Variants in SCAP observed in about 807,000 individuals in gnomAD.
SCAP encodes SREBF chaperone.
Under a neutral mutation model 123.6 loss-of-function variants are expected in SCAP, and 65 were observed. That is an observed-to-expected ratio of 0.53 (90% CI 0.43 to 0.65). The LOEUF is 0.65. Among genes scored for constraint, SCAP ranks in the 30% least tolerant of loss-of-function variants. The pLI, the probability that SCAP is intolerant of heterozygous loss-of-function variation, is 0.00. For missense variants in SCAP, 1,398 were observed against 1,712.5 expected, an observed-to-expected ratio of 0.82 and a Z score of 3.24; for synonymous variants, 740 against 726.3, an observed-to-expected ratio of 1.02 and a Z score of -0.30.
At chr3:47,424,524 T>G (rs1706038874) in intron 8 of SCAP, among the ~76,000 whole-genome samples, 1 of 152,122 alleles carries the variant, frequency 6.6e-6, no homozygotes, top group South Asian at 2.1e-4. Flanking sequence ...GAACGACTGT[T>G]CCTACACAAA....
intron 1 of SCAP, among the ~76,000 whole-genome samples, chr3:47,455,519 T>C (rs891343665): frequency 7.2e-6 from 1 of 137,992 alleles, no homozygotes; most frequent in Non-Finnish European, 1.5e-5. Context: ...CACTTGAACC[T>C]GGGAGGTGGA....
At chr3:47,435,465 A>AACACACAC (rs749684765) in intron 2 of SCAP, among the ~76,000 whole-genome samples, 24 of 121,526 alleles carry the variant, frequency 2.0e-4, no homozygotes, top group East Asian at 4.9e-4. Flanking sequence ...ATATAATATA[A>AACACACAC]ACATACACAC....
At chr3:47,454,090 G>T (rs763518187) in intron 1 of SCAP, among the ~76,000 whole-genome samples, 1 of 152,136 alleles carries the variant, frequency 6.6e-6, no homozygotes, top group Non-Finnish European at 1.5e-5. Context: ...TAGACAGGCC[G>T]GGTGCGGTGG....
chr3:47,415,115 C>T lies in SCAP; in HGVS notation c.3122G>A (p.Ser1041Asn). 1.2e-6 allele frequency: 2 copies of T among 1,611,512 alleles called. No individual in the cohort carries two copies. Among genetic ancestry groups the T allele is most frequent in the African/African-American group, 1.3e-5 (1 of 74,980 alleles). ...FFSLETHTALSPLQFRGTPGR... is the reference protein window; with the variant it reads ...FFSLETHTALNPLQFRGTPGR... ...CCTCCGACCTCTAAACTGCAGGGGG[C>T]TGAGGGCAGTGTGGGTCTCCAAGGA... Residue 1041 changes from serine to asparagine, a missense_variant, in exon 19 of 23, where the codon AGC (serine) becomes AAC (asparagine). Physicochemically the swap from Ser to Asn is conservative, Grantham distance 46. This residue lies in a region of SCAP where 828 missense variants were observed against 882.5 expected (regional missense o/e 0.94). Coordinates refer to ENST00000265565, the MANE Select transcript of SCAP (RefSeq NM_012235.4).
intron 2 of SCAP, among the ~76,000 whole-genome samples, chr3:47,441,075 C>G (rs995616863): frequency 4.6e-5 from 7 of 151,844 alleles, no homozygotes; most frequent in Admixed American, 2.0e-4. Flanking sequence ...CTAATTTTTG[C>G]ATTTTTAGTA....
At chr3:47,461,016 C>A (rs1707619537) in intron 1 of SCAP, among the ~76,000 whole-genome samples, 1 of 152,146 alleles carries the variant, frequency 6.6e-6, no homozygotes, top group Admixed American at 6.6e-5. Flanking sequence ...AGAGCTCTCT[C>A]CAGCACACCA....
At chr3:47,470,013 C>T (rs1559573790) in intron 1 of SCAP, 4 of 325,944 alleles carry the variant, frequency 1.2e-5, no homozygotes, top group East Asian at 8.0e-5. Context: ...AACAAAATAT[C>T]GTTTGGCATT....
chr3:47,455,594 C>CAAAAAA (rs544006040), intron 1 of SCAP, among the ~76,000 whole-genome samples: 1 of 42,370 alleles, frequency 2.4e-5, no homozygotes, highest in Non-Finnish European at 5.0e-5. Context: ...GACTCCACCT[C>CAAAAAA]AAAAAAAAAA....
In SCAP at chr3:47,419,326, A is replaced by G; in HGVS notation, c.1940+2T>C. Reference sequence around the variant, plus strand: ...GGTGGCACCTGGCACGGCCCAGCTCACCTCTTGGCCAGTGTGATGTTGTAA... The same window carrying G: ...GGTGGCACCTGGCACGGCCCAGCTCGCCTCTTGGCCAGTGTGATGTTGTAA... On this transcript the variant is annotated splice_donor_variant, in intron 13 of 22. Coordinates refer to ENST00000265565, the MANE Select transcript of SCAP (RefSeq NM_012235.4). LOFTEE classifies it high-confidence loss of function. The surrounding 1 kb of genome is among the most constrained non-coding windows in gnomAD (Gnocchi z 5.0). 6.2e-7 allele frequency: 1 copy of G among 1,603,302 alleles called. No homozygotes were observed. Among genetic ancestry groups the G allele is most frequent in the Non-Finnish European group, 8.5e-7 (1 of 1,172,938 alleles).
chr3:47,464,562 T>C (rs1707758164), intron 1 of SCAP, among the ~76,000 whole-genome samples: 1 of 152,172 alleles, frequency 6.6e-6, no homozygotes, highest in Non-Finnish European at 1.5e-5. Flanking sequence ...AAGATAACTT[T>C]TTGATTAAAA....
In SCAP at chr3:47,421,014, CA is replaced by C. The variant is rs773778300; in HGVS notation, c.1260del (p.Phe420LeufsTer30). 2 of 1,613,902 alleles carry C rather than the reference CA, an allele frequency of 1.2e-6. No homozygotes were observed. The highest frequency in any genetic ancestry group is 1.7e-6 in the Non-Finnish European group (2 of 1,179,944). On this transcript the variant is annotated frameshift_variant, in exon 11 of 23. Transcript: ENST00000265565. LOFTEE classifies it high-confidence loss of function. ...LVPAIQEFCL[F>X]AVVGLVSDFF... ...AAGTCAGACACCAGCCCCACGACAGCAAAGAGACAGAACTCCTGGAATCAGA... is the reference window on the plus strand; with the variant it reads ...AAGTCAGACACCAGCCCCACGACAGCAAGAGACAGAACTCCTGGAATCAGA...
Position 47,420,822 on chromosome 3 carries a change from T to C in SCAP, c.1345-50A>G, listed in dbSNP as rs2107789452. On this transcript the variant is annotated intron_variant, in intron 11 of 22. Coordinates refer to ENST00000265565, the MANE Select transcript of SCAP (RefSeq NM_012235.4). This position sits in a 1 kb window ranked among gnomAD's most constrained non-coding sequence, Gnocchi z 5.0. Reference sequence around the variant, plus strand: ...CCTGAGTCCACCATCCAGAGGCTGCTCGCACAGGACCGCTGTCCTGCCCGA... The same window carrying C: ...CCTGAGTCCACCATCCAGAGGCTGCCCGCACAGGACCGCTGTCCTGCCCGA... The C allele has an allele frequency of 1.3e-6, 2 of 1,593,584 alleles. No individual in the cohort carries two copies. Among genetic ancestry groups the C allele is most frequent in the Non-Finnish European group, 1.7e-6 (2 of 1,165,020 alleles).
rs983621046 is a variant in SCAP, at chr3:47,420,091, A to AG, written c.1564-388dup. Among the ~76,000 whole-genome samples, 1 of 152,160 alleles carries AG rather than the reference A, an allele frequency of 6.6e-6. No individual in the cohort carries two copies. The highest frequency in any genetic ancestry group is 2.4e-5 in the African/African-American group (1 of 41,450). ...AGAGTCCCCCAGAGGTCCTAGTCCCAGGGGGCCTCAGCCTTCCTCCCATCT... is the reference window on the plus strand; with the variant it reads ...AGAGTCCCCCAGAGGTCCTAGTCCCAGGGGGGCCTCAGCCTTCCTCCCATCT... On this transcript the variant is annotated intron_variant, in intron 12 of 22. Coordinates refer to ENST00000265565, the MANE Select transcript of SCAP (RefSeq NM_012235.4). This position sits in a 1 kb window ranked among gnomAD's most constrained non-coding sequence, Gnocchi z 5.0.
chr3:47,461,891 G>A (rs1309947426), intron 1 of SCAP, among the ~76,000 whole-genome samples: 5 of 151,974 alleles, frequency 3.3e-5, no homozygotes, highest in Non-Finnish European at 5.9e-5. Context: ...AAAATTAGCC[G>A]AGCATGGTGA....
intron 1 of SCAP, among the ~76,000 whole-genome samples, chr3:47,468,231 G>A (rs1366134623): frequency 6.6e-6 from 1 of 151,584 alleles, no homozygotes; most frequent in African/African-American, 2.4e-5. Context: ...TTGGGTATAT[G>A]CCCAGTAATG....
chr3:47,466,213 C>A (rs1707825769), intron 1 of SCAP, among the ~76,000 whole-genome samples: 1 of 151,272 alleles, frequency 6.6e-6, no homozygotes, highest in South Asian at 2.1e-4. Flanking sequence ...CCCTGAATAG[C>A]CAAAACAAAC....
rs780665006 is a variant in SCAP at position 47,420,792 on chromosome 3, C to A, written c.1345-20G>T. ...TGCTAGCTGTTGGGGGCACAGTGGT[C>A]AGGGCCTGAGTCCACCATCCAGAGG... On this transcript the variant is annotated intron_variant, in intron 11 of 22. Coordinates refer to ENST00000265565, the MANE Select transcript of SCAP (RefSeq NM_012235.4). The surrounding 1 kb of genome is among the most constrained non-coding windows in gnomAD (Gnocchi z 5.0). 6.2e-7 allele frequency: 1 copy of A among 1,608,450 alleles called. No homozygotes were observed. Among genetic ancestry groups the A allele is most frequent in the Admixed American group, 1.7e-5 (1 of 59,876 alleles).
rs1201375436 is a variant in SCAP at position 47,419,159 on chromosome 3, G to T, written c.1940+169C>A. 6.6e-6 allele frequency among the ~76,000 whole-genome samples: 1 copy of T among 152,214 alleles called. No homozygotes were observed. The highest frequency in any genetic ancestry group is 6.5e-5 in the Admixed American group (1 of 15,286). On this transcript the variant is annotated intron_variant, in intron 13 of 22. Coordinates refer to ENST00000265565, the MANE Select transcript of SCAP (RefSeq NM_012235.4). The surrounding 1 kb of genome is among the most constrained non-coding windows in gnomAD (Gnocchi z 5.0). ...CCAGTGACTCCTCAGAGCAACCTGG[G>T]ACTCCTCTCTTGGGTTATAGCTGCC...
intron 18 of SCAP, among the ~76,000 whole-genome samples, 190 bp from the exon 19 acceptor site, chr3:47,415,370 C>G (rs915063049): frequency 6.6e-6 from 1 of 152,198 alleles, no homozygotes; most frequent in African/African-American, 2.4e-5. Context: ...CCTTGTGCCT[C>G]AGTTTCTTCA....
Sources: allele counts gnomAD v4.1 joint callset (sites outside exome capture counted in the v4.1 genomes callset), GRCh38; gene constraint gnomAD v4.1.1; regional missense constraint gnomAD v4.1.1; non-coding constraint Gnocchi (gnomAD v3.1); transcripts MANE v1.5; gene names NCBI Gene and HGNC (gene_info 2026-07-23, HGNC 2026-07-21).